KIF19: variants seen among roughly 807,000 people sequenced by gnomAD.
KIF19 encodes kinesin-like protein KIF19.
In KIF19, 98 loss-of-function variants were observed where a neutral mutation model predicts 106.6. That is an observed-to-expected ratio of 0.92 (90% CI 0.78 to 1.09). The LOEUF (loss-of-function observed/expected upper bound fraction) is 1.09, where lower values mean the gene tolerates loss of function less well. KIF19 is among the 50% of genes least tolerant of loss of function. The pLI, the probability that KIF19 is intolerant of heterozygous loss-of-function variation, is 0.00. For synonymous variants in KIF19, 516 were observed against 584.2 expected (o/e 0.88, Z 1.68); for missense variants, 1,373 against 1,414.3 (o/e 0.97, Z 0.47).
intron 2 of KIF19, among the ~76,000 whole-genome samples, chr17:74,334,483 C>T (rs540867683): frequency 1.1e-4 from 17 of 152,200 alleles, no homozygotes; most frequent in Non-Finnish European, 2.2e-4. Context: ...CATCCTAAGC[C>T]TCCAGGTCTC....
intron 5 of KIF19, among the ~76,000 whole-genome samples, chr17:74,343,603 TG>T (rs1436792349): frequency 6.6e-6 from 1 of 152,170 alleles, no homozygotes; most frequent in Non-Finnish European, 1.5e-5. Flanking sequence ...CAGACAGTGA[TG>T]GGATGTCAGG....
Position 74,352,861 on chromosome 17 carries a change from T to C in KIF19, c.2021T>C (p.Leu674Pro), listed in dbSNP as rs766272937. 9 of 1,613,878 alleles carry C rather than the reference T, an allele frequency of 5.6e-6. No homozygotes were observed. In the Admixed American group the frequency reaches 1.3e-4, roughly 24 times the overall value. ...LPKITPAGTS[L>P]TPDSDLESVK... ...AAAATTACCCCAGCAGGAACCTCACTGACCCCAGATTCTGACCTGGAGAGT... is the reference window on the plus strand; with the variant it reads ...AAAATTACCCCAGCAGGAACCTCACCGACCCCAGATTCTGACCTGGAGAGT... Residue 674 changes from leucine to proline, a missense_variant, in exon 15 of 20, where the codon CTG (leucine) becomes CCG (proline). Around this residue, in one of 3 missense-constraint regions of KIF19, gnomAD observed 1,020 missense variants for 1,008.2 expected, o/e 1.01. Coordinates refer to ENST00000389916, the MANE Select transcript of KIF19 (RefSeq NM_153209.4).
intron 15 of KIF19, 84 bp from the exon 16 acceptor site, chr17:74,353,112 C>A: frequency 7.1e-7 from 1 of 1,408,522 alleles, no homozygotes; most frequent in Non-Finnish European, 9.8e-7. Context: ...CCTTTCACAC[C>A]AACAGCTTCT....
intron 7 of KIF19, among the ~76,000 whole-genome samples, chr17:74,345,969 C>T (rs898375220): frequency 5.2e-4 from 79 of 152,168 alleles, no homozygotes; most frequent in Admixed American, 9.8e-4. Flanking sequence ...AGGAGAAGAA[C>T]CTGCCCTCCA....
At position 74,328,464 on chromosome 17, in the gene KIF19, G is replaced by A; in HGVS notation, c.79G>A (p.Glu27Lys). The A allele has an allele frequency of 6.2e-7, 1 of 1,611,408 alleles. No homozygotes were observed. The highest frequency in any genetic ancestry group is 2.2e-5 in the East Asian group (1 of 44,798). ...CCGGCCCATCAGCGTGGCAGAGCTG[G>A]AGGAAGGAGCTACCCTCATCGCCCA... Reference protein sequence around the residue: ...RVRPISVAELEEGATLIAHKV... With the variant: ...RVRPISVAELKEGATLIAHKV... Residue 27 changes from glutamate (E) to lysine (K), a missense_variant, in exon 2 of 20, where the codon GAG becomes AAG. Physicochemically the swap from Glu to Lys is moderately conservative, Grantham distance 56 (BLOSUM62 1). Around this residue, in one of 3 missense-constraint regions of KIF19, gnomAD observed 348 missense variants for 389.5 expected, o/e 0.89. Coordinates refer to ENST00000389916, the MANE Select transcript of KIF19 (RefSeq NM_153209.4).
At position 74,346,893 on chromosome 17, in the gene KIF19, G is replaced by C. The variant is rs184833004; in HGVS notation, c.924+369G>C. Among the ~76,000 whole-genome samples, 469 of 152,240 alleles carry C rather than the reference G, an allele frequency of 3.1e-3. 2 individuals are homozygous for C. The highest frequency in any genetic ancestry group is 4.8e-3 in the Non-Finnish European group (326 of 68,006). On this transcript the variant is annotated intron_variant, in intron 8 of 19. Transcript: ENST00000389916. This position sits in a 1 kb window ranked among gnomAD's most constrained non-coding sequence, Gnocchi z 4.6. ...CCCACAGGTCAGCTGTTTGGGGGTG[G>C]CCTCCTTTGTGCAGGGGTGTCCTTG...
chr17:74,347,774 C>A lies in KIF19; in HGVS notation c.925-3C>A. Reference sequence around the variant, plus strand: ...CCACTGACCACAGCCACCTCCCATCCAGGACTCTCTGGGAGGAAACAGCCG... The same window carrying A: ...CCACTGACCACAGCCACCTCCCATCAAGGACTCTCTGGGAGGAAACAGCCG... On this transcript the variant is annotated splice_region_variant and splice_polypyrimidine_tract_variant and intron_variant, in intron 8 of 19. Coordinates refer to ENST00000389916, the MANE Select transcript of KIF19 (RefSeq NM_153209.4). 6.3e-7 allele frequency: 1 copy of A among 1,588,778 alleles called. No individual in the cohort carries two copies. Among genetic ancestry groups the A allele is most frequent in the Non-Finnish European group, 8.6e-7 (1 of 1,168,276 alleles).
chr17:74,350,483 G>A lies in KIF19; in HGVS notation c.1296G>A (p.Glu432=), dbSNP rs200451179. The change falls in exon 11 of 20, where the codon GAG becomes GAA. Residue 432 remains glutamate, a synonymous_variant. Coordinates refer to ENST00000389916, the MANE Select transcript of KIF19 (RefSeq NM_153209.4). ...LREQLASAFQ[E]QMDVRRRLLE... is the part of the protein sequence containing the mutation. Reference sequence around the variant, plus strand: ...AGCAGCTCGCCAGCGCCTTCCAGGAGCAGATGGATGTGCGGAGGCGCCTGC... The same window carrying A: ...AGCAGCTCGCCAGCGCCTTCCAGGAACAGATGGATGTGCGGAGGCGCCTGC... The A allele has an allele frequency of 1.2e-4, 193 of 1,612,050 alleles. 1 individual carries two copies. The East Asian group carries it at 3.3e-3, about 28-fold the overall frequency.
chr17:74,350,265 T>C, intron 10 of KIF19, 136 bp from the exon 11 acceptor site: 1 of 776,874 alleles, frequency 1.3e-6, no homozygotes. Flanking sequence ...TAGGGGGTCT[T>C]CCTGGAGGAA....
intron 10 of KIF19, 33 bp downstream of exon 10, chr17:74,349,382 C>A (rs754494648): frequency 2.6e-6 from 4 of 1,549,278 alleles, no homozygotes; most frequent in Non-Finnish European, 2.6e-6. Context: ...GTGGCAGCCC[C>A]CTCCGGCCAG....
intron 4 of KIF19, 113 bp downstream of exon 4, chr17:74,342,830 C>A: frequency 1.6e-6 from 2 of 1,239,978 alleles, no homozygotes; most frequent in Non-Finnish European, 2.3e-6. Context: ...GGTCGCTCCA[C>A]ATCTCACCCA....
chr17:74,350,580 GC>G lies in KIF19; in HGVS notation c.1388+11del, dbSNP rs1224326772. ...ACACCTGCTCACCATCGCCGGGTAA[GC>G]CCCCCTCCCAGGACCCTCCAGGCCC... On this transcript the variant is annotated splice_donor_region_variant and intron_variant, in intron 11 of 19. Transcript: ENST00000389916. 3.1e-6 allele frequency: 5 copies of G among 1,612,450 alleles called. No homozygotes were observed. The highest frequency in any genetic ancestry group is 4.2e-6 in the Non-Finnish European group (5 of 1,179,664).
intron 2 of KIF19, among the ~76,000 whole-genome samples, chr17:74,340,579 G>A (rs1567905667): frequency 3.9e-5 from 1 of 25,716 alleles, no homozygotes; most frequent in South Asian, 1.3e-3. Flanking sequence ...ACACACTGCT[G>A]CCACTCCTAC....
chr17:74,341,846 A>G, intron 2 of KIF19, 30 bp from the exon 3 acceptor site: 2 of 1,533,006 alleles, frequency 1.3e-6, no homozygotes, highest in Non-Finnish European at 1.8e-6. Context: ...TTCCCAGGTG[A>G]CCGTGGGCCT....
At chr17:74,353,132 TG>T (rs2054766134) in intron 15 of KIF19, 63 bp from the exon 16 acceptor site, 4 of 1,453,262 alleles carry the variant, frequency 2.8e-6, no homozygotes, top group Middle Eastern at 1.7e-4. Flanking sequence ...TCCCCTGGGG[TG>T]GGGGTGGGAC....
At position 74,344,851 on chromosome 17, in the gene KIF19, C is replaced by T; in HGVS notation, c.673C>T (p.Gln225Ter). ...QTSSRSHAVL[Q>*]VTVRQRSRVK... ...GTCCTCCCGCTCCCACGCGGTACTG[C>T]AGGTGACCGTGCGCCAGCGCAGCCG... is the stretch of plus-strand genomic sequence containing the variant. The change falls in exon 7 of 20, where the codon CAG becomes TAG. Residue 225 changes from glutamine to a stop codon, truncating the protein, a stop_gained. Coordinates refer to ENST00000389916, the MANE Select transcript of KIF19 (RefSeq NM_153209.4). LOFTEE classifies it high-confidence loss of function. 1.4e-5 allele frequency: 23 copies of T among 1,612,878 alleles called. No individual in the cohort carries two copies. The highest frequency in any genetic ancestry group is 1.9e-5 in the Non-Finnish European group (23 of 1,179,832).
intron 2 of KIF19, among the ~76,000 whole-genome samples, chr17:74,340,089 C>A (rs764030289): frequency 6.6e-6 from 1 of 152,196 alleles, no homozygotes; most frequent in African/African-American, 2.4e-5. Flanking sequence ...CCCAGCGCTG[C>A]AGGTGGATCA....
chr17:74,338,387 A>T (rs1233989699), intron 2 of KIF19, among the ~76,000 whole-genome samples: 1 of 148,662 alleles, frequency 6.7e-6, no homozygotes, highest in African/African-American at 2.4e-5. Flanking sequence ...CACTGTGACC[A>T]CCTAGCTTCT....
Position 74,346,622 on chromosome 17 carries a change from A to C in KIF19, c.924+98A>C. 7.2e-6 allele frequency: 8 copies of C among 1,112,646 alleles called. No individual in the cohort carries two copies. The highest frequency in any genetic ancestry group is 9.0e-6 in the Non-Finnish European group (7 of 780,870). 68.9% of individuals were successfully genotyped at this position (1,112,646 alleles called of 1,614,324 possible). A position where few individuals can be genotyped will look rare whatever the true frequency, so the allele number is the denominator to read the frequency against. On this transcript the variant is annotated intron_variant, in intron 8 of 19. Coordinates refer to ENST00000389916, the MANE Select transcript of KIF19 (RefSeq NM_153209.4). The surrounding 1 kb of genome is among the most constrained non-coding windows in gnomAD (Gnocchi z 4.6). The stretch of plus-strand genomic sequence containing the variant: ...GGGCACCCAGCTAAATTCCAACCTC[A>C]GGATACACAGCAAAATTTATTTTAG...
Sources: allele counts gnomAD v4.1 joint callset (sites outside exome capture counted in the v4.1 genomes callset), GRCh38; gene constraint gnomAD v4.1.1; regional missense constraint gnomAD v4.1.1; non-coding constraint Gnocchi (gnomAD v3.1); transcripts MANE v1.5; gene names NCBI Gene and HGNC (gene_info 2026-07-23, HGNC 2026-07-21).